The following DGKD variants were observed in gnomAD, a reference collection of about 807,000 sequenced individuals.
The protein encoded by DGKD is diacylglycerol kinase delta.
In DGKD, 68 loss-of-function variants were observed where a neutral mutation model predicts 154.4. The observed-to-expected ratio is 0.44, with a 90% CI of 0.36 to 0.54. DGKD has a LOEUF of 0.54. Ranked by LOEUF, DGKD falls within the 20% of genes least tolerant of loss-of-function variation. The pLI is 0.00. For missense variants in DGKD, 1,343 were observed against 1,593.6 expected (o/e 0.84, Z 2.68); for synonymous variants, 693 against 638.0 (o/e 1.09, Z -1.30).
Position 233,441,992 on chromosome 2 carries a change from A to G in DGKD, c.1191A>G (p.Lys397=). The G allele has an allele frequency of 6.2e-7, 1 of 1,614,070 alleles. No homozygotes were observed. Among genetic ancestry groups the G allele is most frequent in the Non-Finnish European group, 8.5e-7 (1 of 1,179,930 alleles). The change falls in exon 10 of 30, where the codon AAA becomes AAG. Residue 397 remains lysine, a synonymous_variant. Coordinates refer to ENST00000264057, the MANE Select transcript of DGKD (RefSeq NM_152879.3). This position sits in a 1 kb window ranked among gnomAD's most constrained non-coding sequence, Gnocchi z 5.6. ...LSEIDSLNLH[K]QCQLGVLPLG... ...AAATCGACAGCCTCAACCTTCATAAACAGGTACCAGGACAGGAGGGAGCCC... is the reference window on the plus strand; with the variant it reads ...AAATCGACAGCCTCAACCTTCATAAGCAGGTACCAGGACAGGAGGGAGCCC...
intron 3 of DGKD, among the ~76,000 whole-genome samples, chr2:233,410,660 A>G (rs1470383478): frequency 1.3e-5 from 2 of 152,212 alleles, no homozygotes; most frequent in African/African-American, 4.8e-5. Context: ...AGAAAGGTTC[A>G]TAGTGTTCTT....
At position 233,440,044 on chromosome 2, in the gene DGKD, G is replaced by GT. The variant is rs759782871; in HGVS notation, c.1085+1665_1085+1666insT. Among the ~76,000 whole-genome samples, 19 of 152,160 alleles carry GT rather than the reference G, an allele frequency of 1.2e-4. No individual in the cohort carries two copies. Among genetic ancestry groups the GT allele is most frequent in the Non-Finnish European group, 2.2e-4 (15 of 68,030 alleles). ...GGGCAGGTTACACAGCTGAACTCGA[G>GT]AATAACGAAATATTCATTTTGGTGT... On this transcript the variant is annotated intron_variant, in intron 9 of 29. Transcript: ENST00000264057. The surrounding 1 kb of genome is among the most constrained non-coding windows in gnomAD (Gnocchi z 4.9).
chr2:233,451,646 C>T (rs2063299086), intron 17 of DGKD, among the ~76,000 whole-genome samples: 1 of 151,406 alleles, frequency 6.6e-6, no homozygotes, highest in Non-Finnish European at 1.5e-5. Context: ...TGGCACACTG[C>T]AGCTTGACCT....
chr2:233,373,520 G>A (rs751957750), intron 1 of DGKD, among the ~76,000 whole-genome samples: 73 of 152,316 alleles, frequency 4.8e-4, no homozygotes, highest in Non-Finnish European at 8.8e-4. Flanking sequence ...TGGAGAAGCA[G>A]CTGCCCTCAG....
chr2:233,416,012 C>T (rs1358532702), intron 3 of DGKD, among the ~76,000 whole-genome samples: 1 of 152,202 alleles, frequency 6.6e-6, no homozygotes, highest in Non-Finnish European at 1.5e-5. Context: ...AAGAATCTCT[C>T]AGTCCTACCA....
intron 3 of DGKD, among the ~76,000 whole-genome samples, chr2:233,409,321 A>C (rs958764876): frequency 3.3e-5 from 5 of 152,156 alleles, no homozygotes; most frequent in African/African-American, 9.7e-5. Context: ...TAGTTGAGAG[A>C]CTGTCATTGG....
intron 1 of DGKD, among the ~76,000 whole-genome samples, chr2:233,365,845 T>C (rs561231671): frequency 6.6e-6 from 1 of 152,334 alleles, no homozygotes; most frequent in Non-Finnish European, 1.5e-5. Context: ...CAAATATGTA[T>C]ATATAAAATG....
chr2:233,464,953 C>T (rs79076399), intron 27 of DGKD, among the ~76,000 whole-genome samples: 1,585 of 152,370 alleles, frequency 0.01, 19 homozygotes, highest in East Asian at 0.028. Context: ...AACTGCAAGA[C>T]GCCAAACCTG....
intron 1 of DGKD, among the ~76,000 whole-genome samples, chr2:233,367,188 A>G (rs956872910): frequency 6.7e-6 from 1 of 150,196 alleles, no homozygotes; most frequent in Non-Finnish European, 1.5e-5. Flanking sequence ...CTATAACATC[A>G]ACTTTTTCAA....
At chr2:233,357,436 A>G (rs766563334) in intron 1 of DGKD, among the ~76,000 whole-genome samples, 2 of 152,160 alleles carry the variant, frequency 1.3e-5, no homozygotes, top group Non-Finnish European at 2.9e-5. Flanking sequence ...TTTAATGTGC[A>G]GACACATCTC....
At chr2:233,442,567 T>C (rs2062932228) in intron 10 of DGKD, 1 of 182,852 alleles carries the variant, frequency 5.5e-6, no homozygotes, top group Non-Finnish European at 1.2e-5. Flanking sequence ...GCACTTGTAA[T>C]TTAAACGGGC....
intron 1 of DGKD, among the ~76,000 whole-genome samples, chr2:233,367,455 A>G (rs1049002740): frequency 6.6e-6 from 1 of 151,934 alleles, no homozygotes; most frequent in Non-Finnish European, 1.5e-5. Context: ...TCTCGAACCC[A>G]TGACCTCAAG....
At position 233,445,545 on chromosome 2, in the gene DGKD, G is replaced by A; in HGVS notation, c.1195-78G>A. On this transcript the variant is annotated intron_variant, in intron 10 of 29. Transcript: ENST00000264057. The surrounding 1 kb of genome is among the most constrained non-coding windows in gnomAD (Gnocchi z 5.5). Reference sequence around the variant, plus strand: ...TGCTAACGTAACCCTCACGGTGGGGGACAAGGAGGGCTGCGGGCTGGGAAG... The same window carrying A: ...TGCTAACGTAACCCTCACGGTGGGGAACAAGGAGGGCTGCGGGCTGGGAAG... 6.6e-7 allele frequency: 1 copy of A among 1,512,638 alleles called. No individual in the cohort carries two copies. The allele number at this position is 1,512,638 out of a possible 1,614,324, so 93.7% of individuals were successfully genotyped here. A position where few individuals can be genotyped will look rare whatever the true frequency, so the allele number is the denominator to read the frequency against.
chr2:233,462,461 T>C lies in DGKD; in HGVS notation c.3093+2T>C, dbSNP rs2063677896. 6.3e-7 allele frequency: 1 copy of C among 1,592,660 alleles called. No individual in the cohort carries two copies. The highest frequency in any genetic ancestry group is 1.3e-5 in the African/African-American group (1 of 74,576). ...TATGGCAAGCCCAGAACCACAGAGG[T>C]AGCTATTCTGGCCTTTTCAGTCCTG... On this transcript the variant is annotated splice_donor_variant, in intron 25 of 29. Transcript: ENST00000264057. LOFTEE classifies it high-confidence loss of function.
intron 3 of DGKD, chr2:233,392,441 C>G (rs532536554): frequency 6.6e-6 from 1 of 152,154 alleles, no homozygotes; most frequent in African/African-American, 2.4e-5. Flanking sequence ...AGAATTTTCC[C>G]ACTGGTATGT....
chr2:233,388,795 G>A (rs1703378873), intron 2 of DGKD: 1 of 141,718 alleles, frequency 7.1e-6, no homozygotes, highest in Non-Finnish European at 1.5e-5. Flanking sequence ...GTCCAGGCTG[G>A]AGTGCAGTGG....
chr2:233,383,824 G>C (rs535816074), intron 1 of DGKD, among the ~76,000 whole-genome samples: 63 of 152,294 alleles, frequency 4.1e-4, no homozygotes, highest in African/African-American at 1.4e-3. Context: ...TTTAAGGATA[G>C]TTGAGGACAT....
intron 1 of DGKD, among the ~76,000 whole-genome samples, chr2:233,376,335 A>G (rs1428887804): frequency 6.6e-6 from 1 of 152,220 alleles, no homozygotes; most frequent in Non-Finnish European, 1.5e-5. Context: ...TTGAAATCAG[A>G]CAGATCTGGG....
rs952056513 is a variant in DGKD at position 233,434,352 on chromosome 2, G to A, written c.349-28G>A. The A allele has an allele frequency of 6.3e-6, 10 of 1,583,170 alleles. No homozygotes were observed. In the African/African-American group the frequency reaches 1.2e-4, roughly 19 times the overall value. On this transcript the variant is annotated intron_variant, in intron 3 of 29. Transcript: ENST00000264057. Reference sequence around the variant, plus strand: ...TATCAGCACTTGCCTTTTGTTCATGGATCTGTTGAACCTGTTTCTTTCTCT... The same window carrying A: ...TATCAGCACTTGCCTTTTGTTCATGAATCTGTTGAACCTGTTTCTTTCTCT...
Sources: gnomAD v4.1 joint callset for allele counts (sites outside exome capture counted in the v4.1 genomes callset) on GRCh38, gnomAD v4.1.1 for gene constraint, Gnocchi (gnomAD v3.1) non-coding constraint, MANE v1.5 for transcripts, NCBI Gene and HGNC (gene_info 2026-07-23, HGNC 2026-07-21) for gene names.